SLC5A4: variants seen among roughly 807,000 people sequenced by gnomAD.
SLC5A4 encodes solute carrier family 5 member 4.
A neutral mutation model predicts 70.3 loss-of-function variants in SLC5A4; 55 were observed. That is an observed-to-expected ratio of 0.78 (90% confidence interval 0.63 to 0.98). The LOEUF is 0.98. SLC5A4 is among the 50% of genes least tolerant of loss of function. SLC5A4 has a pLI of 0.00. For synonymous variants in SLC5A4, 268 were observed against 305.7 expected, an observed-to-expected ratio of 0.88 and a Z score of 1.29; for missense variants, 735 against 839.2, an observed-to-expected ratio of 0.88 and a Z score of 1.53.
intron 2 of SLC5A4, among the ~76,000 whole-genome samples, chr22:32,252,103 G>A (rs754506817): frequency 3.3e-5 from 5 of 151,990 alleles, no homozygotes; most frequent in Non-Finnish European, 7.4e-5. Flanking sequence ...GGTGGTGGGC[G>A]CCTGTAGTCC....
chr22:32,240,600 T>G (rs923013478), intron 5 of SLC5A4, among the ~76,000 whole-genome samples: 2 of 152,192 alleles, frequency 1.3e-5, no homozygotes, highest in Non-Finnish European at 2.9e-5. Context: ...AGAGACAAAT[T>G]GCGTAACATT....
chr22:32,253,444 C>A (rs2235168), intron 2 of SLC5A4, among the ~76,000 whole-genome samples: 24,162 of 152,184 alleles, frequency 0.16, 2,475 homozygotes, highest in African/African-American at 0.29. Flanking sequence ...TGAGAAAGGG[C>A]TGAGGTGAGG....
At chr22:32,313,299 G>C in the SLC5A4 span, among the ~76,000 whole-genome samples, 1 of 151,642 alleles carries the variant, frequency 6.6e-6, no homozygotes, top group Non-Finnish European at 1.5e-5. Context: ...GTTGACACTT[G>C]TTGTTCTGAC....
At chr22:32,225,012 G>A (rs563901862) in intron 12 of SLC5A4, among the ~76,000 whole-genome samples, 33 of 152,216 alleles carry the variant, frequency 2.2e-4, no homozygotes, top group Admixed American at 9.8e-4. Context: ...GATGGAAGAA[G>A]ATCTAAGCCT....
At chr22:32,283,291 C>CT in the SLC5A4 span, among the ~76,000 whole-genome samples, 3 of 152,070 alleles carry the variant, frequency 2.0e-5, no homozygotes, top group East Asian at 5.8e-4. Context: ...CAGATATTCG[C>CT]TGGGCTCACA....
At chr22:32,352,801 C>G in the SLC5A4 span, among the ~76,000 whole-genome samples, 1 of 152,276 alleles carries the variant, frequency 6.6e-6, no homozygotes, top group Non-Finnish European at 1.5e-5. Context: ...GACCACTGCA[C>G]TGCCTGTGCC....
chr22:32,354,666 G>A, the SLC5A4 span, among the ~76,000 whole-genome samples: 2 of 149,518 alleles, frequency 1.3e-5, no homozygotes, highest in Non-Finnish European at 1.5e-5. Context: ...CACGGGCAGC[G>A]CACACCCGAT....
the SLC5A4 span, among the ~76,000 whole-genome samples, chr22:32,319,394 A>G: frequency 6.7e-6 from 1 of 148,200 alleles, no homozygotes; most frequent in Non-Finnish European, 1.5e-5. Flanking sequence ...AGGAACTCAC[A>G]CCATCAGCTC....
chr22:32,322,857 TTCTTCTGA>T, the SLC5A4 span, among the ~76,000 whole-genome samples: 24 of 152,362 alleles, frequency 1.6e-4, no homozygotes, highest in African/African-American at 5.3e-4. Flanking sequence ...TGACCCAAGG[TTCTTCTGA>T]TCTTTGTGGT....
At chr22:32,250,743 G>A (rs1569382179) in intron 3 of SLC5A4, among the ~76,000 whole-genome samples, 1 of 152,042 alleles carries the variant, frequency 6.6e-6, no homozygotes, top group Non-Finnish European at 1.5e-5. Flanking sequence ...AAGAAAATGT[G>A]GCACATATAT....
chr22:32,321,807 T>TTTA, the SLC5A4 span, among the ~76,000 whole-genome samples: 5 of 152,244 alleles, frequency 3.3e-5, no homozygotes, highest in African/African-American at 1.2e-4. Context: ...CTTGTTCTTT[T>TTTA]TTATGGCTGC....
upstream of SLC5A4, chr22:32,255,440 T>C: frequency 1.7e-6 from 2 of 1,183,062 alleles, no homozygotes; most frequent in African/African-American, 1.5e-5. Context: ...AGCTCCTGGA[T>C]ATGGAGACCT....
chr22:32,293,333 T>A, the SLC5A4 span, among the ~76,000 whole-genome samples: 1 of 152,178 alleles, frequency 6.6e-6, no homozygotes, highest in Admixed American at 6.5e-5. Context: ...GTGGTTTTTT[T>A]GGTCCCACCT....
At chr22:32,251,946 G>A (rs1927191267) in intron 2 of SLC5A4, 72 bp from the exon 3 acceptor site, 3 of 1,137,660 alleles carry the variant, frequency 2.6e-6, no homozygotes, top group Non-Finnish European at 2.7e-6. Context: ...ATAGACAGAT[G>A]TAGCTGGGCG....
the SLC5A4 span, among the ~76,000 whole-genome samples, chr22:32,316,507 C>T: frequency 1.9e-3 from 290 of 149,436 alleles, 1 homozygote; most frequent in African/African-American, 6.9e-3. Context: ...GGAGAAAAAG[C>T]AGAGTATGCT....
At chr22:32,325,136 CTCAG>C in the SLC5A4 span, among the ~76,000 whole-genome samples, 9 of 152,372 alleles carry the variant, frequency 5.9e-5, no homozygotes, top group African/African-American at 2.2e-4. Flanking sequence ...GCTCCCCTCA[CTCAG>C]TGTCAACTCT....
chr22:32,271,178 C>T, the SLC5A4 span: 1 of 703,912 alleles, frequency 1.4e-6, no homozygotes, highest in Non-Finnish European at 2.6e-6. Flanking sequence ...GAGAATGGCA[C>T]CATGGTGACC....
the SLC5A4 span, among the ~76,000 whole-genome samples, chr22:32,264,240 C>T: frequency 3.3e-5 from 5 of 151,496 alleles, no homozygotes; most frequent in Non-Finnish European, 7.4e-5. Flanking sequence ...TAAAACTGGA[C>T]GATGACCTTT....
At chr22:32,328,255 G>A in the SLC5A4 span, among the ~76,000 whole-genome samples, 2 of 152,130 alleles carry the variant, frequency 1.3e-5, no homozygotes, top group African/African-American at 2.4e-5. Context: ...GTGGTATGCA[G>A]CCCTAAGACA....
Sources: gnomAD v4.1 joint callset for allele counts (sites outside exome capture counted in the v4.1 genomes callset) on GRCh38, gnomAD v4.1.1 for gene constraint, MANE v1.5 for transcripts, NCBI Gene and HGNC (gene_info 2026-07-23, HGNC 2026-07-21) for gene names.